ST6GALNAC3: variants seen among roughly 807,000 people sequenced by gnomAD.
ST6GALNAC3 encodes the protein ST6 N-acetylgalactosaminide alpha-2,6-sialyltransferase 3, also known as alpha-N-acetylgalactosaminide alpha-2,6-sialyltransferase 3.
ST6GALNAC3 carries 25 observed loss-of-function variants against 32.7 expected under a neutral mutation model. The observed-to-expected ratio is 0.76, with a 90% confidence interval of 0.56 to 1.07. The LOEUF is 1.07. Among genes scored for constraint, ST6GALNAC3 ranks in the 50% least tolerant of loss-of-function variants. The probability of loss-of-function intolerance (pLI) is 0.00; values close to 1 mark genes in which losing one functional copy is unlikely to be tolerated. For missense variants in ST6GALNAC3, 355 were observed against 382.4 expected (o/e 0.93, Z 0.60); for synonymous variants, 129 against 133.1 (o/e 0.97, Z 0.21).
intron 1 of ST6GALNAC3, among the ~76,000 whole-genome samples, chr1:76,256,969 G>T (rs1414673519): frequency 2.0e-5 from 3 of 152,088 alleles, no homozygotes; most frequent in Non-Finnish European, 4.4e-5. Context: ...GCTGGCAATT[G>T]GTTTTGATGA....
chr1:76,531,134 C>T (rs780011919), intron 3 of ST6GALNAC3, among the ~76,000 whole-genome samples: 6 of 152,152 alleles, frequency 3.9e-5, no homozygotes, highest in Non-Finnish European at 5.9e-5. Flanking sequence ...GGTGAGAAGC[C>T]ACAGAGCCAG....
intron 1 of ST6GALNAC3, among the ~76,000 whole-genome samples, chr1:76,162,553 C>A (rs59957356): frequency 0.034 from 5,129 of 152,174 alleles, 291 homozygotes; most frequent in African/African-American, 0.12. Context: ...ATGGTACTGA[C>A]CTTACAGTGT....
At chr1:76,379,132 G>A (rs911504561) in intron 2 of ST6GALNAC3, among the ~76,000 whole-genome samples, 9 of 152,116 alleles carry the variant, frequency 5.9e-5, no homozygotes, top group Non-Finnish European at 1.0e-4. Context: ...TCCTGACCTC[G>A]TGATCCACCT....
At chr1:76,196,413 A>G (rs1654204835) in intron 1 of ST6GALNAC3, among the ~76,000 whole-genome samples, 1 of 152,182 alleles carries the variant, frequency 6.6e-6, no homozygotes, top group Non-Finnish European at 1.5e-5. Flanking sequence ...AATGAATACT[A>G]TAAATATCAA....
chr1:76,391,373 T>A (rs1652531221), intron 2 of ST6GALNAC3, among the ~76,000 whole-genome samples: 1 of 152,336 alleles, frequency 6.6e-6, no homozygotes, highest in Middle Eastern at 3.4e-3. Flanking sequence ...TGTATGGAGA[T>A]CACCCCAGTT....
At chr1:76,592,154 C>T (rs189000900) in intron 3 of ST6GALNAC3, among the ~76,000 whole-genome samples, 1 of 152,218 alleles carries the variant, frequency 6.6e-6, no homozygotes, top group East Asian at 1.9e-4. Flanking sequence ...TTATAGAAAA[C>T]TCACTGTGTC....
chr1:76,463,490 C>T (rs912112453), intron 3 of ST6GALNAC3, among the ~76,000 whole-genome samples: 10 of 152,068 alleles, frequency 6.6e-5, no homozygotes, highest in East Asian at 1.9e-4. Context: ...AGCTTTTGAT[C>T]GGTTGAGCAG....
At chr1:76,123,256 C>A (rs1649005620) in intron 1 of ST6GALNAC3, among the ~76,000 whole-genome samples, 2 of 151,722 alleles carry the variant, frequency 1.3e-5, no homozygotes, top group South Asian at 4.2e-4. Flanking sequence ...CCTGTAATCC[C>A]ATCTACCAGC....
At chr1:76,114,666 T>C (rs1648332710) in intron 1 of ST6GALNAC3, among the ~76,000 whole-genome samples, 1 of 152,134 alleles carries the variant, frequency 6.6e-6, no homozygotes, top group Non-Finnish European at 1.5e-5. Context: ...TTTCTCACTT[T>C]GGGAGGCCAA....
At chr1:76,346,991 C>T (rs11162127) in intron 2 of ST6GALNAC3, among the ~76,000 whole-genome samples, 32,388 of 151,938 alleles carry the variant, frequency 0.21, 3,843 homozygotes, top group Non-Finnish European at 0.27. Context: ...TAAGAATGAA[C>T]ATCTACATTT....
At chr1:76,110,320 A>G (rs1647832651) in intron 1 of ST6GALNAC3, among the ~76,000 whole-genome samples, 1 of 152,238 alleles carries the variant, frequency 6.6e-6, no homozygotes, top group Admixed American at 6.5e-5. Context: ...TTTGAGTGTT[A>G]TCGTTTACTG....
intron 2 of ST6GALNAC3, among the ~76,000 whole-genome samples, chr1:76,411,364 T>G (rs1212184882): frequency 6.6e-6 from 1 of 152,068 alleles, no homozygotes; most frequent in Admixed American, 6.6e-5. Context: ...TACCTTCCCA[T>G]CTAAAAGGAG....
chr1:76,186,798 A>T, intron 1 of ST6GALNAC3, among the ~76,000 whole-genome samples: 1 of 152,232 alleles, frequency 6.6e-6, no homozygotes, highest in East Asian at 1.9e-4. Flanking sequence ...GAGCTTGTAC[A>T]TGGCACCTCC....
At chr1:76,270,860 G>T (rs569692045) in intron 1 of ST6GALNAC3, among the ~76,000 whole-genome samples, 2 of 152,326 alleles carry the variant, frequency 1.3e-5, no homozygotes, top group Admixed American at 1.3e-4. Context: ...CTCAGGTTTT[G>T]GGGGCAGGGG....
intron 2 of ST6GALNAC3, among the ~76,000 whole-genome samples, chr1:76,385,396 T>C (rs937723380): frequency 2.6e-5 from 4 of 152,170 alleles, no homozygotes; most frequent in African/African-American, 4.8e-5. Context: ...GGTAGTACGA[T>C]GTAGTGGTTA....
At position 76,087,623 on chromosome 1, in the gene ST6GALNAC3, C is replaced by T. The variant is rs536536830; in HGVS notation, c.18+12739C>T. The stretch of plus-strand genomic sequence containing the variant: ...TGTGGATTATCTCATTTTATCCCCA[C>T]AGGCTCATGAGGTACATCCACCTAG... On this transcript the variant is annotated intron_variant, in intron 1 of 4. Transcript: ENST00000328299. 8.5e-5 allele frequency among the ~76,000 whole-genome samples: 13 copies of T among 152,288 alleles called. No individual in the cohort carries two copies. In the South Asian group the frequency reaches 2.5e-3, roughly 29 times the overall value.
intron 1 of ST6GALNAC3, among the ~76,000 whole-genome samples, chr1:76,285,663 G>A (rs573844151): frequency 6.4e-4 from 98 of 152,214 alleles, no homozygotes; most frequent in African/African-American, 2.2e-3. Context: ...GAGGGCAGAA[G>A]TGACTAGGGC....
At chr1:76,133,252 A>G (rs1221464093) in intron 1 of ST6GALNAC3, among the ~76,000 whole-genome samples, 2 of 152,228 alleles carry the variant, frequency 1.3e-5, no homozygotes, top group Non-Finnish European at 2.9e-5. Flanking sequence ...GCACATTTCC[A>G]TGGTTTCATC....
intron 1 of ST6GALNAC3, among the ~76,000 whole-genome samples, chr1:76,253,022 A>G (rs988500385): frequency 2.0e-4 from 31 of 152,114 alleles, no homozygotes; most frequent in African/African-American, 7.0e-4. Context: ...CCACTTCCAT[A>G]TTGTGTTGCT....
Sources: allele counts gnomAD v4.1 joint callset (sites outside exome capture counted in the v4.1 genomes callset), GRCh38; gene constraint gnomAD v4.1.1; transcripts MANE v1.5; gene names NCBI Gene and HGNC (gene_info 2026-07-23, HGNC 2026-07-21).